ADK: variants seen among roughly 807,000 people sequenced by gnomAD.
ADK encodes the protein N6,N6-dimethyladenosine kinase.
ADK carries 24 observed loss-of-function variants against 44.7 expected under a neutral mutation model. The observed-to-expected ratio is 0.54, with a 90% CI of 0.39 to 0.76. ADK has a LOEUF of 0.76. ADK is among the 30% of genes least tolerant of loss of function. The probability of loss-of-function intolerance (pLI) is 0.00; values close to 1 mark genes in which losing one functional copy is unlikely to be tolerated. For missense variants in ADK, 321 were observed against 425.1 expected (o/e 0.76, Z 2.15); for synonymous variants, 128 against 142.6 (o/e 0.90, Z 0.73).
chr10:74,440,272 T>C (rs1373552736), intron 6 of ADK, among the ~76,000 whole-genome samples: 1 of 152,144 alleles, frequency 6.6e-6, no homozygotes, highest in Non-Finnish European at 1.5e-5. Context: ...TGAGTTAAAT[T>C]CTGTTATCCA....
intron 7 of ADK, among the ~76,000 whole-genome samples, chr10:74,531,476 C>G (rs971633416): frequency 2.6e-5 from 4 of 151,822 alleles, no homozygotes; most frequent in East Asian, 3.9e-4. Flanking sequence ...TAGTTAAAAC[C>G]CTTGCTACAA....
intron 10 of ADK, among the ~76,000 whole-genome samples, chr10:74,698,432 G>A (rs1856283802): frequency 6.6e-6 from 1 of 152,142 alleles, no homozygotes; most frequent in South Asian, 2.1e-4. Flanking sequence ...GTGGCACTGG[G>A]AAAAAGGGAT....
At chr10:74,666,838 T>G (rs980789586) in intron 9 of ADK, among the ~76,000 whole-genome samples, 4 of 149,832 alleles carry the variant, frequency 2.7e-5, no homozygotes, top group Non-Finnish European at 5.9e-5. Flanking sequence ...GACTTTTTTT[T>G]TTTTTTTTTT....
Position 74,224,523 on chromosome 10 carries a change from G to A in ADK, c.141-15G>A, listed in dbSNP as rs755713661. 3 of 1,611,734 alleles carry A rather than the reference G, an allele frequency of 1.9e-6. No individual in the cohort carries two copies. The highest frequency in any genetic ancestry group is 1.7e-5 in the Admixed American group (1 of 59,946). ...TGTGTGTATGAAGAGTGTAATTTTC[G>A]TTTCTGTTATACAGGTATTCTCTGA... On this transcript the variant is annotated splice_polypyrimidine_tract_variant and intron_variant, in intron 2 of 10. Transcript: ENST00000539909.
intron 6 of ADK, among the ~76,000 whole-genome samples, chr10:74,483,284 A>T (rs1847140012): frequency 6.6e-6 from 1 of 152,172 alleles, no homozygotes; most frequent in Non-Finnish European, 1.5e-5. Flanking sequence ...CCTGAGATGT[A>T]TCTGGGGCTC....
chr10:74,375,901 G>C (rs1202909232), intron 4 of ADK, among the ~76,000 whole-genome samples: 2 of 151,910 alleles, frequency 1.3e-5, no homozygotes, highest in African/African-American at 4.8e-5. Flanking sequence ...TTTGTGTGGG[G>C]TTTTTGTTGT....
At chr10:74,533,516 C>G (rs1313474818) in intron 7 of ADK, among the ~76,000 whole-genome samples, 1 of 152,198 alleles carries the variant, frequency 6.6e-6, no homozygotes, top group Non-Finnish European at 1.5e-5. Context: ...GAGGCTTTTT[C>G]ATGGAGGAAG....
At chr10:74,437,361 A>C (rs549032564) in intron 6 of ADK, among the ~76,000 whole-genome samples, 2 of 152,318 alleles carry the variant, frequency 1.3e-5, no homozygotes, top group East Asian at 1.9e-4. Context: ...TCTGATCTCC[A>C]AACTTAATGA....
intron 9 of ADK, among the ~76,000 whole-genome samples, chr10:74,631,283 T>A (rs866499037): frequency 0.018 from 2,678 of 151,778 alleles, 67 homozygotes; most frequent in African/African-American, 0.061. Context: ...TATTTATTTT[T>A]TTTTTTTTGA....
intron 1 of ADK, chr10:74,176,799 G>C (rs1842357025): frequency 2.5e-6 from 4 of 1,597,524 alleles, no homozygotes; most frequent in Non-Finnish European, 3.4e-6. Flanking sequence ...CAGTTGCTGT[G>C]GTACCTGCTG....
At chr10:74,320,546 A>T (rs561410364) in intron 4 of ADK, among the ~76,000 whole-genome samples, 1 of 152,188 alleles carries the variant, frequency 6.6e-6, no homozygotes, top group African/African-American at 2.4e-5. Flanking sequence ...GTTTTGGACC[A>T]TTATATCTTC....
intron 6 of ADK, among the ~76,000 whole-genome samples, chr10:74,515,695 C>A (rs1242807401): frequency 6.6e-6 from 1 of 152,094 alleles, no homozygotes; most frequent in Non-Finnish European, 1.5e-5. Flanking sequence ...CTCTGCTGGC[C>A]CTGGGCCATA....
chr10:74,221,056 A>G (rs1436975920), intron 2 of ADK, among the ~76,000 whole-genome samples: 10 of 144,818 alleles, frequency 6.9e-5, no homozygotes, highest in Admixed American at 6.8e-4. Context: ...AGGGTATTCA[A>G]TTAGGAAAAG....
intron 3 of ADK, among the ~76,000 whole-genome samples, chr10:74,262,022 C>CA: frequency 6.6e-6 from 1 of 151,996 alleles, no homozygotes; most frequent in Non-Finnish European, 1.5e-5. Context: ...TTTTCCACCA[C>CA]AAAAAACACT....
chr10:74,284,333 C>G (rs931751298), intron 3 of ADK, among the ~76,000 whole-genome samples: 2 of 149,906 alleles, frequency 1.3e-5, no homozygotes, highest in Non-Finnish European at 3.0e-5. Context: ...GGCACGATCT[C>G]GGCTCACCGT....
intron 4 of ADK, among the ~76,000 whole-genome samples, chr10:74,359,929 C>G (rs928236882): frequency 2.0e-5 from 3 of 151,476 alleles, no homozygotes; most frequent in African/African-American, 7.3e-5. Context: ...TTCTTGATTT[C>G]TTTTTCAGGT....
chr10:74,265,874 T>C (rs952638557), intron 3 of ADK, among the ~76,000 whole-genome samples: 2 of 152,150 alleles, frequency 1.3e-5, no homozygotes, highest in African/African-American at 4.8e-5. Context: ...ATCTGAGATT[T>C]AGGGGATCTA....
intron 1 of ADK, among the ~76,000 whole-genome samples, chr10:74,171,763 T>C (rs1398075617): frequency 6.6e-6 from 1 of 152,018 alleles, no homozygotes; most frequent in African/African-American, 2.4e-5. Flanking sequence ...AGTTACTCAG[T>C]ACTCTCTCTC....
chr10:74,640,323 G>T (rs1853795741), intron 9 of ADK, among the ~76,000 whole-genome samples: 1 of 152,334 alleles, frequency 6.6e-6, no homozygotes, highest in African/African-American at 2.4e-5. Context: ...GGTTACCCAG[G>T]TGTTGAAAAA....
Sources: allele counts gnomAD v4.1 joint callset (sites outside exome capture counted in the v4.1 genomes callset), GRCh38; gene constraint gnomAD v4.1.1; transcripts MANE v1.5; gene names NCBI Gene and HGNC (gene_info 2026-07-23, HGNC 2026-07-21).